Variants in EIF4G3 observed in about 807,000 individuals in gnomAD.
The protein encoded by EIF4G3 is eukaryotic translation initiation factor 4 gamma 3.
EIF4G3 carries 34 observed loss-of-function variants against 186.4 expected under a neutral mutation model. That is an observed-to-expected ratio of 0.18 (90% CI 0.14 to 0.24). The LOEUF (loss-of-function observed/expected upper bound fraction) is 0.24. EIF4G3 is among the 10% of genes least tolerant of loss of function. The pLI, the probability that EIF4G3 is intolerant of heterozygous loss-of-function variation, is 1.00. For synonymous variants in EIF4G3, 673 were observed against 679.5 expected (o/e 0.99, Z 0.15); for missense variants, 1,536 against 1,948.5 (o/e 0.79, Z 3.99).
chr1:21,059,134 T>C (rs188285359), intron 3 of EIF4G3, among the ~76,000 whole-genome samples: 30 of 152,242 alleles, frequency 2.0e-4, no homozygotes, highest in Admixed American at 1.8e-3. Context: ...AAAAGGCACA[T>C]GGTTTATATG....
chr1:20,973,043 T>C lies in EIF4G3; in HGVS notation c.550A>G (p.Thr184Ala), dbSNP rs1393824517. The C allele has an allele frequency of 2.5e-6, 4 of 1,610,366 alleles. No individual in the cohort carries two copies. Among genetic ancestry groups the C allele is most frequent in the Non-Finnish European group, 3.4e-6 (4 of 1,179,134 alleles). The change falls in exon 11 of 37, where the codon ACG (threonine) becomes GCG (alanine). Residue 184 changes from threonine to alanine, a missense_variant. This residue lies in a region of EIF4G3 where 194 missense variants were observed against 212.8 expected (regional missense o/e 0.91). Coordinates refer to ENST00000602326, the MANE Select transcript of EIF4G3 (RefSeq NM_001391906.1). ...VYQSAPIIVPTQQQPPPAKRE... is the reference protein window; with the variant it reads ...VYQSAPIIVPAQQQPPPAKRE... The stretch of plus-strand genomic sequence containing the variant: ...TTGGCTGGAGGCGGCTGTTGCTGCG[T>C]AGGCACTATGATAGGTGCTGACTGA...
intron 2 of EIF4G3, among the ~76,000 whole-genome samples, chr1:21,131,507 A>G (rs2097154550): frequency 1.3e-5 from 2 of 151,962 alleles, no homozygotes. Flanking sequence ...AGAAATCCTA[A>G]GCAAGGTAAA....
intron 25 of EIF4G3, among the ~76,000 whole-genome samples, 156 bp downstream of exon 25, chr1:20,857,247 A>G (rs913407577): frequency 1.3e-5 from 2 of 152,036 alleles, no homozygotes; most frequent in African/African-American, 4.8e-5. Flanking sequence ...GCATTAAAAA[A>G]TAACCACCCC....
chr1:20,837,295 T>TC (rs1236518943), intron 30 of EIF4G3, among the ~76,000 whole-genome samples: 2 of 152,004 alleles, frequency 1.3e-5, no homozygotes, highest in Non-Finnish European at 2.9e-5. Flanking sequence ...AACCTCTGAC[T>TC]CCCTGGTTCA....
At chr1:21,054,574 T>C (rs567961007) in intron 3 of EIF4G3, among the ~76,000 whole-genome samples, 1 of 152,250 alleles carries the variant, frequency 6.6e-6, no homozygotes, top group Non-Finnish European at 1.5e-5. Context: ...AATTGTTGTC[T>C]ATATTCATAA....
At chr1:20,893,352 A>G (rs2086787633) in intron 18 of EIF4G3, 165 bp downstream of exon 18, 1 of 658,718 alleles carries the variant, frequency 1.5e-6, no homozygotes, top group East Asian at 3.1e-5. Flanking sequence ...ACTCAAGTGT[A>G]TTCTTTATCT....
intron 23 of EIF4G3, among the ~76,000 whole-genome samples, chr1:20,861,434 T>C (rs563570085): frequency 6.7e-6 from 1 of 149,886 alleles, no homozygotes; most frequent in Admixed American, 6.6e-5. Flanking sequence ...AATAGGAGGG[T>C]CACAGGAAAA....
At chr1:21,026,653 A>G (rs1032259957) in intron 4 of EIF4G3, among the ~76,000 whole-genome samples, 5 of 152,182 alleles carry the variant, frequency 3.3e-5, no homozygotes, top group African/African-American at 1.2e-4. Context: ...TACACCTGTT[A>G]AAAAGTTAAT....
intron 2 of EIF4G3, among the ~76,000 whole-genome samples, chr1:21,117,763 T>TAAAAAAAAAA (rs757506833): frequency 3.6e-4 from 39 of 107,452 alleles, no homozygotes; most frequent in South Asian, 6.0e-4. Flanking sequence ...AAAAAAAAAT[T>TAAAAAAAAAA]AAAAGCAGAA....
intron 4 of EIF4G3, among the ~76,000 whole-genome samples, chr1:21,027,170 A>G (rs2092238455): frequency 1.3e-5 from 2 of 150,812 alleles, no homozygotes; most frequent in Non-Finnish European, 3.0e-5. Context: ...GCTAGTATAT[A>G]TATGTGTACA....
chr1:20,904,453 C>A (rs546240162), intron 15 of EIF4G3, among the ~76,000 whole-genome samples: 4 of 152,276 alleles, frequency 2.6e-5, no homozygotes, highest in Non-Finnish European at 5.9e-5. Flanking sequence ...TCAAGCAATC[C>A]TCCCACCTGA....
intron 3 of EIF4G3, among the ~76,000 whole-genome samples, chr1:21,082,143 G>A (rs1158631870): frequency 6.7e-6 from 1 of 148,174 alleles, no homozygotes; most frequent in Non-Finnish European, 1.5e-5. Flanking sequence ...TCCCTATTAT[G>A]TAAAATGACG....
intron 3 of EIF4G3, among the ~76,000 whole-genome samples, chr1:21,054,443 G>C (rs972604523): frequency 7.5e-5 from 11 of 146,524 alleles, no homozygotes; most frequent in African/African-American, 2.5e-4. Flanking sequence ...CCCCCTCTGC[G>C]AGAAACACCC....
At chr1:21,068,354 G>A (rs187038104) in intron 3 of EIF4G3, among the ~76,000 whole-genome samples, 26 of 117,624 alleles carry the variant, frequency 2.2e-4, no homozygotes, top group African/African-American at 6.7e-4. Context: ...CAGTCTGGGC[G>A]ACAGAGTGAA....
intron 20 of EIF4G3, among the ~76,000 whole-genome samples, chr1:20,877,990 C>T (rs992908554): frequency 6.6e-6 from 1 of 152,082 alleles, no homozygotes; most frequent in Non-Finnish European, 1.5e-5. Context: ...ATTACAGGCG[C>T]ACGCTACCAT....
intron 10 of EIF4G3, among the ~76,000 whole-genome samples, chr1:20,977,846 T>C (rs2077161647): frequency 6.6e-6 from 1 of 152,150 alleles, no homozygotes; most frequent in East Asian, 1.9e-4. Context: ...TCTATACATA[T>C]TGTACAATAG....
intron 14 of EIF4G3, among the ~76,000 whole-genome samples, chr1:20,926,831 A>T (rs2094933323): frequency 6.6e-6 from 1 of 152,098 alleles, no homozygotes; most frequent in Non-Finnish European, 1.5e-5. Flanking sequence ...GAGTAAATAA[A>T]CATTTAATAA....
intron 11 of EIF4G3, among the ~76,000 whole-genome samples, chr1:20,970,921 G>A (rs1458502471): frequency 2.0e-5 from 3 of 152,242 alleles, no homozygotes; most frequent in East Asian, 1.9e-4. Flanking sequence ...CTGAGATCAC[G>A]CCACTGCACT....
At chr1:21,027,053 T>C (rs2092222799) in intron 4 of EIF4G3, among the ~76,000 whole-genome samples, 1 of 151,990 alleles carries the variant, frequency 6.6e-6, no homozygotes, top group African/African-American at 2.4e-5. Context: ...GACATTTCTA[T>C]TAAAAAGACA....
Sources: allele counts gnomAD v4.1 joint callset (sites outside exome capture counted in the v4.1 genomes callset), GRCh38; gene constraint gnomAD v4.1.1; regional missense constraint gnomAD v4.1.1; transcripts MANE v1.5; gene names NCBI Gene and HGNC (gene_info 2026-07-23, HGNC 2026-07-21).